The following WDR27 variants were observed in gnomAD, a reference collection of about 807,000 sequenced individuals.
WDR27 encodes the protein WD repeat-containing protein 27.
In WDR27, 100 loss-of-function variants were observed where a neutral mutation model predicts 114.4. The ratio of observed to expected loss-of-function variants is 0.87; its 90% CI spans 0.74 to 1.03. The LOEUF is 1.03. WDR27 is among the 50% of genes least tolerant of loss of function. The probability of loss-of-function intolerance (pLI) is 0.00; values close to 1 mark genes in which losing one functional copy is unlikely to be tolerated. For missense variants in WDR27, 1,129 were observed against 1,092.9 expected, an observed-to-expected ratio of 1.03 and a Z score of -0.47; for synonymous variants, 449 against 423.1, an observed-to-expected ratio of 1.06 and a Z score of -0.75.
chr6:169,553,097 T>A (rs1798413710), intron 25 of WDR27, among the ~76,000 whole-genome samples: 1 of 141,948 alleles, frequency 7.0e-6, no homozygotes, highest in East Asian at 2.3e-4. Flanking sequence ...TGTGTGTGTA[T>A]GCAGGGAGGT....
At chr6:169,463,974 C>G (rs1481664880) in intron 25 of WDR27, among the ~76,000 whole-genome samples, 1 of 152,186 alleles carries the variant, frequency 6.6e-6, no homozygotes, top group Non-Finnish European at 1.5e-5. Flanking sequence ...CAGTGATCTA[C>G]AGATTCAATA....
intron 21 of WDR27, among the ~76,000 whole-genome samples, chr6:169,616,696 C>G (rs1044324133): frequency 3.9e-5 from 6 of 151,970 alleles, no homozygotes; most frequent in Non-Finnish European, 7.4e-5. Context: ...TCTCACACAC[C>G]TATGTAATAT....
At chr6:169,557,380 T>C (rs552206261) in intron 25 of WDR27, among the ~76,000 whole-genome samples, 1 of 152,206 alleles carries the variant, frequency 6.6e-6, no homozygotes, top group Non-Finnish European at 1.5e-5. Flanking sequence ...AGAGTGGAAA[T>C]GAGGACTGAC....
chr6:169,620,509 A>G (rs796825219), intron 21 of WDR27, among the ~76,000 whole-genome samples: 12 of 152,340 alleles, frequency 7.9e-5, no homozygotes, highest in African/African-American at 2.6e-4. Context: ...TTGTGTATTC[A>G]GTGGAAAGCT....
intron 2 of WDR27, among the ~76,000 whole-genome samples, chr6:169,679,636 C>T (rs1780988995): frequency 6.6e-6 from 1 of 152,154 alleles, no homozygotes; most frequent in Admixed American, 6.5e-5. Flanking sequence ...CCTGTTTTCA[C>T]CCTGTGAAGT....
chr6:169,468,945 A>G (rs995055255), intron 25 of WDR27, among the ~76,000 whole-genome samples: 1 of 152,110 alleles, frequency 6.6e-6, no homozygotes, highest in Non-Finnish European at 1.5e-5. Flanking sequence ...GTGGAGAGAA[A>G]CATCTCTCTT....
chr6:169,658,434 T>TTAAA, intron 12 of WDR27, 76 bp from the exon 13 acceptor site: 1 of 1,093,448 alleles, frequency 9.1e-7, no homozygotes, highest in South Asian at 1.3e-5. Context: ...GACACACACT[T>TTAAA]TAAAGACAGT....
At chr6:169,575,252 A>ATCCC (rs1802071557) in intron 24 of WDR27, among the ~76,000 whole-genome samples, 1 of 129,892 alleles carries the variant, frequency 7.7e-6, no homozygotes, top group Non-Finnish European at 1.7e-5. Flanking sequence ...CCATCCATCC[A>ATCCC]TCCCTCCTTC....
intron 1 of WDR27, among the ~76,000 whole-genome samples, chr6:169,699,112 C>A (rs1787105391): frequency 6.6e-6 from 1 of 152,218 alleles, no homozygotes; most frequent in African/African-American, 2.4e-5. Context: ...TACTCTCCTG[C>A]AGCCCTACAG....
At chr6:169,492,777 C>CT (rs1475694728) in intron 25 of WDR27, among the ~76,000 whole-genome samples, 3 of 151,952 alleles carry the variant, frequency 2.0e-5, no homozygotes, top group African/African-American at 7.2e-5. Context: ...TAACAAAACT[C>CT]TAATTGACAA....
At chr6:169,602,383 G>A in intron 22 of WDR27, 62 bp from the exon 23 acceptor site, 2 of 1,070,294 alleles carry the variant, frequency 1.9e-6, no homozygotes, top group South Asian at 1.5e-5. Context: ...CAAATTAGAG[G>A]AAAGAAAACA....
chr6:169,486,882 T>G (rs572327801), intron 25 of WDR27, among the ~76,000 whole-genome samples: 13 of 152,352 alleles, frequency 8.5e-5, no homozygotes, highest in African/African-American at 3.1e-4. Flanking sequence ...CTTCCAAGTT[T>G]GCAAAAGGAG....
intron 25 of WDR27, among the ~76,000 whole-genome samples, chr6:169,464,079 A>G (rs1464132646): frequency 6.6e-6 from 1 of 152,242 alleles, no homozygotes; most frequent in Non-Finnish European, 1.5e-5. Context: ...AACAATCTTG[A>G]AAAGGAAGAA....
intron 15 of WDR27, among the ~76,000 whole-genome samples, chr6:169,648,980 T>C (rs1821519006): frequency 6.6e-6 from 1 of 152,246 alleles, no homozygotes; most frequent in African/African-American, 2.4e-5. Context: ...TTCAAAATTG[T>C]TAAGGTGGTA....
chr6:169,593,159 C>T (rs552918008), intron 23 of WDR27, among the ~76,000 whole-genome samples: 2 of 152,312 alleles, frequency 1.3e-5, no homozygotes, highest in South Asian at 4.1e-4. Flanking sequence ...AGTCTGATGT[C>T]TTCCTTATTT....
At chr6:169,694,344 C>A (rs980712884) in intron 1 of WDR27, among the ~76,000 whole-genome samples, 2 of 152,096 alleles carry the variant, frequency 1.3e-5, no homozygotes, top group African/African-American at 2.4e-5. Flanking sequence ...GTCATCAACG[C>A]ACGCACACAG....
intron 21 of WDR27, among the ~76,000 whole-genome samples, chr6:169,615,971 A>C (rs1811724546): frequency 6.7e-6 from 1 of 150,226 alleles, no homozygotes; most frequent in African/African-American, 2.4e-5. Context: ...AAAAAAAGTC[A>C]AAACTGAAAG....
chr6:169,438,861 G>A, the WDR27 span, among the ~76,000 whole-genome samples: 2 of 152,120 alleles, frequency 1.3e-5, no homozygotes, highest in Non-Finnish European at 2.9e-5. Context: ...GAAAAACTAG[G>A]TCATCTCTAG....
Position 169,640,243 on chromosome 6 carries a change from T to C in WDR27, c.1748-1583A>G, listed in dbSNP as rs143042515. ...AGACCCCTTCCTGTGGGCCTCAGCA[T>C]GTGAATCACACATCACAATTTATAG... is the stretch of plus-strand genomic sequence containing the variant. On this transcript the variant is annotated intron_variant, in intron 17 of 25. Coordinates refer to ENST00000448612, the MANE Select transcript of WDR27 (RefSeq NM_182552.5). Among the ~76,000 whole-genome samples, 379 of 152,318 alleles carry C rather than the reference T, an allele frequency of 2.5e-3. 2 individuals carry two copies. The highest frequency in any genetic ancestry group is 0.02 in the Middle Eastern group (6 of 294).
Sources: gnomAD v4.1 joint callset for allele counts (sites outside exome capture counted in the v4.1 genomes callset) on GRCh38, gnomAD v4.1.1 for gene constraint, MANE v1.5 for transcripts, NCBI Gene and HGNC (gene_info 2026-07-23, HGNC 2026-07-21) for gene names.